The following NEB variants were observed in gnomAD, a reference collection of about 807,000 sequenced individuals.
NEB encodes nemaline myopathy type 2.
Under a neutral mutation model 952.2 loss-of-function variants are expected in NEB, and 512 were observed. That is an observed-to-expected ratio of 0.54 (90% CI 0.50 to 0.58). The LOEUF (loss-of-function observed/expected upper bound fraction) is 0.58, where lower values mean the gene tolerates loss of function less well. NEB is among the 20% of genes least tolerant of loss of function. NEB has a pLI of 0.00. For synonymous variants in NEB, 2,900 were observed against 3,149.8 expected (o/e 0.92, Z 2.66); for missense variants, 8,428 against 9,231.1 (o/e 0.91, Z 3.56).
At chr2:151,565,291 G>T in intron 116 of NEB, 143 bp from the exon 117 acceptor site, 2 of 664,140 alleles carry the variant, frequency 3.0e-6, no homozygotes, top group Non-Finnish European at 5.1e-6. Context: ...TAAAACAATA[G>T]AATAATTTGG....
chr2:151,505,439 G>T, intron 165 of NEB, 39 bp downstream of exon 165: 1 of 1,520,948 alleles, frequency 6.6e-7, no homozygotes, highest in Non-Finnish European at 9.1e-7. Flanking sequence ...TTGAGAGATG[G>T]CCAGTCACAC....
rs769525245 is a variant in NEB at position 151,563,674 on chromosome 2, C to T, written c.18625G>A (p.Ala6209Thr). ...GGGAATTCACCGATCACTTTTCCAG[C>T]CAGGTAGTGACCTTTCTGCTTCTCA... ...TYEKQKGHYL[A>T]GKVIGEFPGV... Residue 6209 changes from alanine (A) to threonine (T), a missense_variant, in exon 119 of 182, where the codon GCT (alanine) becomes ACT (threonine). This residue lies in a region of NEB where 3,374 missense variants were observed against 3,651.5 expected (regional missense o/e 0.92). Coordinates refer to ENST00000397345, the MANE Select transcript of NEB (RefSeq NM_001164508.2). 1 of 1,613,760 alleles carries T rather than the reference C, an allele frequency of 6.2e-7. No individual in the cohort carries two copies. The highest frequency in any genetic ancestry group is 8.5e-7 in the Non-Finnish European group (1 of 1,179,796).
intron 164 of NEB, chr2:151,505,851 C>T (rs936039566): frequency 1.9e-6 from 1 of 531,984 alleles, no homozygotes; most frequent in East Asian, 3.2e-5. Context: ...TGTCTTTATG[C>T]CCAGCAGGTC....
intron 80 of NEB, 47 bp from the exon 81 acceptor site, chr2:151,610,167 G>T: frequency 6.8e-7 from 1 of 1,465,214 alleles, no homozygotes; most frequent in South Asian, 1.3e-5. Context: ...TTAAAACCAT[G>T]CTCATGTGCT....
intron 55 of NEB, among the ~76,000 whole-genome samples, chr2:151,645,001 G>A (rs140303554): frequency 2.1e-3 from 321 of 152,232 alleles, no homozygotes; most frequent in Non-Finnish European, 3.5e-3. Context: ...GTAACACAAT[G>A]GGAAGTATTA....
chr2:151,702,077 G>A (rs996631639), intron 13 of NEB, among the ~76,000 whole-genome samples: 28 of 146,298 alleles, frequency 1.9e-4, no homozygotes, highest in Admixed American at 1.2e-3. Context: ...CTTTGTTCTC[G>A]TTGGTTTCAA....
chr2:151,501,514 C>T, intron 167 of NEB, 31 bp from the exon 168 acceptor site: 1 of 1,269,168 alleles, frequency 7.9e-7, no homozygotes. Flanking sequence ...AACAAATCAA[C>T]CTGGACCCAT....
At chr2:151,510,728 G>A (rs1176149524) in intron 161 of NEB, among the ~76,000 whole-genome samples, 1 of 152,120 alleles carries the variant, frequency 6.6e-6, no homozygotes, top group African/African-American at 2.4e-5. Context: ...TATATGTATA[G>A]GAAAAACCAG....
At chr2:151,709,505 T>C (rs1420843244) in intron 12 of NEB, 151 bp downstream of exon 12, 1 of 563,002 alleles carries the variant, frequency 1.8e-6, no homozygotes, top group Admixed American at 3.4e-5. Flanking sequence ...TTCTACTCTT[T>C]TTCAAATGCC....
intron 135 of NEB, among the ~76,000 whole-genome samples, chr2:151,544,200 C>G (rs192716842): frequency 6.6e-6 from 1 of 152,080 alleles, no homozygotes; most frequent in Non-Finnish European, 1.5e-5. Context: ...CACAACTTGC[C>G]CAAAATCCCT....
chr2:151,639,383 C>G lies in NEB; in HGVS notation c.8891G>C (p.Arg2964Pro). 2 of 1,522,932 alleles carry G rather than the reference C, an allele frequency of 1.3e-6. No individual in the cohort carries two copies. Among genetic ancestry groups the G allele is most frequent in the South Asian group, 2.5e-5 (2 of 80,666 alleles). 94.3% of individuals were successfully genotyped at this position (1,522,932 alleles called of 1,614,324 possible). A position where few individuals can be genotyped will look rare whatever the true frequency, so the allele number is the denominator to read the frequency against. Reference sequence around the variant, plus strand: ...TTTGTCCCAGGCTTCTGTGTATAAACGCTATCAAAAAAAATACACAAATTC... The same window carrying G: ...TTTGTCCCAGGCTTCTGTGTATAAAGGCTATCAAAAAAAATACACAAATTC... Reference protein sequence around the residue: ...AKNNAITMNKRLYTEAWDKDK... With the variant: ...AKNNAITMNKPLYTEAWDKDK... The change falls in exon 63 of 182, where the codon CGT (arginine) becomes CCT (proline). Residue 2964 changes from arginine (R) to proline (P), a missense_variant and splice_region_variant. By Grantham distance (103) the Arg-to-Pro change is moderately radical. Coordinates refer to ENST00000397345, the MANE Select transcript of NEB (RefSeq NM_001164508.2).
chr2:151,516,187 T>C (rs142021061), intron 157 of NEB, among the ~76,000 whole-genome samples: 430 of 152,234 alleles, frequency 2.8e-3, no homozygotes, highest in Non-Finnish European at 4.7e-3. Context: ...TTACATTCAG[T>C]ATAATTTGTG....
rs765478068 is a variant in NEB, at chr2:151,684,791, G to T, written c.2822C>A (p.Ala941Glu). Residue 941 changes from alanine (A) to glutamate (E), a missense_variant, in exon 28 of 182, where the codon GCG (alanine) becomes GAG (glutamate). By Grantham distance (107) the Ala-to-Glu change is moderately radical (BLOSUM62 -1). This residue lies in a region of NEB where 2,851 missense variants were observed against 2,791.5 expected (regional missense o/e 1.02). Coordinates refer to ENST00000397345, the MANE Select transcript of NEB (RefSeq NM_001164508.2). The stretch of plus-strand genomic sequence containing the variant: ...CTGGTTACTCACATCGCTCTGCAGC[G>T]CATATGCCTTCTTGGCAAGGTCCAC... Reference protein sequence around the residue: ...INVDLAKKAYALQSDVEYKAD... With the variant: ...INVDLAKKAYELQSDVEYKAD... 1.2e-6 allele frequency: 2 copies of T among 1,606,868 alleles called. No individual in the cohort carries two copies. Among genetic ancestry groups the T allele is most frequent in the Non-Finnish European group, 1.7e-6 (2 of 1,175,978 alleles).
chr2:151,526,079 C>A lies in NEB; in HGVS notation c.22051-11G>T, dbSNP rs1418603683. On this transcript the variant is annotated splice_polypyrimidine_tract_variant and intron_variant, in intron 149 of 181. Transcript: ENST00000397345. ...GTCCTTGTACTTGTTCTGGGGGAATCCATAGAGAGCTCATTAAGGCATCTG... is the reference window on the plus strand; with the variant it reads ...GTCCTTGTACTTGTTCTGGGGGAATACATAGAGAGCTCATTAAGGCATCTG... 1 of 1,613,132 alleles carries A rather than the reference C, an allele frequency of 6.2e-7. No homozygotes were observed. The highest frequency in any genetic ancestry group is 8.5e-7 in the Non-Finnish European group (1 of 1,179,080).
At chr2:151,644,446 T>C (rs192766711) in intron 56 of NEB, 22 bp downstream of exon 56, 24 of 1,579,164 alleles carry the variant, frequency 1.5e-5, no homozygotes, top group African/African-American at 1.5e-4. Context: ...CAAATCAATA[T>C]CAACAGAGGA....
At chr2:151,527,655 A>G in intron 146 of NEB, 70 bp from the exon 147 acceptor site, 1 of 1,085,056 alleles carries the variant, frequency 9.2e-7, no homozygotes, top group African/African-American at 1.6e-5. Context: ...CACATGGCAC[A>G]GAGGGGCTCT....
At chr2:151,561,163 A>G in intron 122 of NEB, 45 bp downstream of exon 122, 1 of 1,575,040 alleles carries the variant, frequency 6.3e-7, no homozygotes, top group Non-Finnish European at 8.7e-7. Context: ...ATACATAAAG[A>G]CAAGAAATAG....
chr2:151,724,308 A>G lies in NEB; in HGVS notation c.564T>C (p.Asp188=), dbSNP rs1186009260. ...DTKDKYLLPP[D]APELVQAVKN... is the part of the protein sequence containing the mutation. The stretch of plus-strand genomic sequence containing the variant: ...TAACGGCCTGGACAAGTTCAGGGGC[A>G]TCAGGAGGAAGCAGGTACTTATCCT... The change falls in exon 8 of 182, where the codon GAT becomes GAC. Residue 188 remains aspartate, a synonymous_variant. Coordinates refer to ENST00000397345, the MANE Select transcript of NEB (RefSeq NM_001164508.2). 6.2e-7 allele frequency: 1 copy of G among 1,613,298 alleles called. No homozygotes were observed. Among genetic ancestry groups the G allele is most frequent in the Admixed American group, 1.7e-5 (1 of 59,904 alleles).
intron 13 of NEB, among the ~76,000 whole-genome samples, chr2:151,698,973 C>T (rs1321972310): frequency 7.1e-6 from 1 of 140,826 alleles, no homozygotes; most frequent in Non-Finnish European, 1.5e-5. Context: ...CACCCACTAA[C>T]TCGTCATCTA....
Sources: allele counts gnomAD v4.1 joint callset (sites outside exome capture counted in the v4.1 genomes callset), GRCh38; gene constraint gnomAD v4.1.1; regional missense constraint gnomAD v4.1.1; transcripts MANE v1.5; gene names NCBI Gene and HGNC (gene_info 2026-07-23, HGNC 2026-07-21).